The following MICU3 variants were observed in gnomAD, a reference collection of about 807,000 sequenced individuals.
MICU3 encodes the protein mitochondrial calcium uptake 3.
Under a neutral mutation model 66.5 loss-of-function variants are expected in MICU3, and 62 were observed. The observed-to-expected ratio is 0.93, with a 90% CI of 0.76 to 1.15. The LOEUF is 1.15. Ranked by LOEUF, MICU3 falls within the 50% of genes most tolerant of loss-of-function variation. The probability of loss-of-function intolerance (pLI) is 0.00; values close to 1 mark genes in which losing one functional copy is unlikely to be tolerated. For synonymous variants in MICU3, 308 were observed against 240.7 expected (o/e 1.28, Z -2.59); for missense variants, 779 against 664.4 (o/e 1.17, Z -1.90).
chr8:17,041,556 G>T (rs900534259), intron 1 of MICU3, among the ~76,000 whole-genome samples: 1 of 151,984 alleles, frequency 6.6e-6, no homozygotes, highest in Non-Finnish European at 1.5e-5. Context: ...TGTCTCTGAA[G>T]AAGAGAGAGG....
the MICU3 span, among the ~76,000 whole-genome samples, chr8:17,136,823 CAG>C: frequency 6.6e-6 from 1 of 151,194 alleles, no homozygotes; most frequent in Admixed American, 6.6e-5. Context: ...GACCACAACT[CAG>C]GGGAGATAAA....
At chr8:17,041,684 G>T (rs1389768144) in intron 1 of MICU3, among the ~76,000 whole-genome samples, 3 of 152,084 alleles carry the variant, frequency 2.0e-5, no homozygotes, top group African/African-American at 7.2e-5. Context: ...AATAATTGAT[G>T]TGATAAGGAC....
chr8:17,040,327 G>T (rs1282732653), intron 1 of MICU3, among the ~76,000 whole-genome samples: 1 of 152,114 alleles, frequency 6.6e-6, no homozygotes, highest in Non-Finnish European at 1.5e-5. Context: ...CTTATTTAAT[G>T]ACCAAATTAA....
chr8:17,034,683 G>C (rs893380928), intron 1 of MICU3, among the ~76,000 whole-genome samples: 1 of 152,216 alleles, frequency 6.6e-6, no homozygotes, highest in Non-Finnish European at 1.5e-5. Context: ...TGCAGAGGTG[G>C]TGAAATAGCA....
chr8:17,096,248 CCTTA>C (rs1800677848), intron 8 of MICU3, among the ~76,000 whole-genome samples: 2 of 151,862 alleles, frequency 1.3e-5, no homozygotes, highest in South Asian at 4.1e-4. Flanking sequence ...GTCAGCCTTT[CCTTA>C]CTTAGCCTGT....
At chr8:17,109,179 T>C (rs568043800) in intron 11 of MICU3, among the ~76,000 whole-genome samples, 1 of 152,234 alleles carries the variant, frequency 6.6e-6, no homozygotes, top group Non-Finnish European at 1.5e-5. Flanking sequence ...AGCATAATCA[T>C]ATTCTAACAT....
At chr8:17,055,169 G>C (rs540987745) in intron 1 of MICU3, among the ~76,000 whole-genome samples, 13 of 152,328 alleles carry the variant, frequency 8.5e-5, no homozygotes, top group African/African-American at 2.9e-4. Flanking sequence ...CCATGGCTAT[G>C]TCTAAGAATT....
At chr8:17,051,254 C>T (rs537289229) in intron 1 of MICU3, among the ~76,000 whole-genome samples, 1 of 152,094 alleles carries the variant, frequency 6.6e-6, no homozygotes, top group South Asian at 2.1e-4. Flanking sequence ...ATTTTTAAAG[C>T]AATCACCATT....
the MICU3 span, chr8:17,134,031 C>G: frequency 6.6e-6 from 1 of 152,140 alleles, no homozygotes; most frequent in Non-Finnish European, 1.5e-5. Flanking sequence ...CTGGCTTATC[C>G]TTTCAGATGA....
chr8:17,098,232 A>G (rs530488557), intron 8 of MICU3, among the ~76,000 whole-genome samples: 12 of 151,844 alleles, frequency 7.9e-5, no homozygotes, highest in Admixed American at 7.2e-4. Context: ...ACAAAGCTAC[A>G]TTGTACTTAC....
chr8:17,040,285 A>G (rs1813846115), intron 1 of MICU3, among the ~76,000 whole-genome samples: 1 of 152,226 alleles, frequency 6.6e-6, no homozygotes, highest in Admixed American at 6.5e-5. Context: ...TATAACATAC[A>G]AGTCTTGTAT....
At chr8:17,050,869 C>A (rs977951785) in intron 1 of MICU3, among the ~76,000 whole-genome samples, 1 of 151,892 alleles carries the variant, frequency 6.6e-6, no homozygotes, top group Non-Finnish European at 1.5e-5. Flanking sequence ...GGGGTTTAAA[C>A]CTATCCTATT....
intron 11 of MICU3, among the ~76,000 whole-genome samples, chr8:17,106,174 A>C (rs73666277): frequency 6.6e-6 from 1 of 152,154 alleles, no homozygotes; most frequent in Non-Finnish European, 1.5e-5. Flanking sequence ...ACCAAATAGA[A>C]CTAGTGTTAC....
intron 1 of MICU3, among the ~76,000 whole-genome samples, chr8:17,044,701 C>T (rs1237566268): frequency 5.9e-5 from 9 of 152,202 alleles, no homozygotes; most frequent in Admixed American, 5.2e-4. Context: ...CAGTGACCTC[C>T]TTGCCTGTTT....
rs546640500 is a variant in MICU3, at chr8:17,092,890, G to A, written c.888+2306G>A. Among the ~76,000 whole-genome samples the A allele has an allele frequency of 4.0e-4, 61 of 152,092 alleles. 1 individual carries two copies. Among genetic ancestry groups the A allele is most frequent in the African/African-American group, 1.4e-3 (59 of 41,540 alleles). ...AATCTGAGTATAGATCATGGAGCTGGATATAAACTAAGAGATTTATAAGAG... is the reference window on the plus strand; with the variant it reads ...AATCTGAGTATAGATCATGGAGCTGAATATAAACTAAGAGATTTATAAGAG... On this transcript the variant is annotated intron_variant, in intron 8 of 14. Coordinates refer to ENST00000318063, the MANE Select transcript of MICU3 (RefSeq NM_181723.3).
chr8:17,072,311 G>A (rs1471986323), intron 3 of MICU3, among the ~76,000 whole-genome samples: 1 of 152,080 alleles, frequency 6.6e-6, no homozygotes, highest in Non-Finnish European at 1.5e-5. Flanking sequence ...AATCATAGAT[G>A]TTTGAATAAT....
At chr8:17,112,003 C>T (rs1408285701) in intron 11 of MICU3, among the ~76,000 whole-genome samples, 1 of 152,112 alleles carries the variant, frequency 6.6e-6, no homozygotes, top group East Asian at 1.9e-4. Context: ...GGAAAAACTG[C>T]CATTTATAAG....
chr8:17,034,351 G>A (rs1812605429), intron 1 of MICU3, among the ~76,000 whole-genome samples: 1 of 152,194 alleles, frequency 6.6e-6, no homozygotes, highest in Non-Finnish European at 1.5e-5. Flanking sequence ...GATTTACAAG[G>A]AGATCAGTGT....
At chr8:17,083,226 G>A (rs999905418) in intron 5 of MICU3, among the ~76,000 whole-genome samples, 6 of 152,010 alleles carry the variant, frequency 3.9e-5, no homozygotes, top group Admixed American at 1.3e-4. Flanking sequence ...CCAGTTTATC[G>A]CTCTGTGTAG....
Sources: allele counts gnomAD v4.1 joint callset (sites outside exome capture counted in the v4.1 genomes callset), GRCh38; gene constraint gnomAD v4.1.1; transcripts MANE v1.5; gene names NCBI Gene and HGNC (gene_info 2026-07-23, HGNC 2026-07-21).